Variants in PTPRM observed in about 807,000 individuals in gnomAD.
PTPRM encodes the protein receptor-type tyrosine-protein phosphatase mu.
A neutral mutation model predicts 186.7 loss-of-function variants in PTPRM; 47 were observed. The ratio of observed to expected loss-of-function variants is 0.25; its 90% confidence interval spans 0.20 to 0.32. The LOEUF is 0.32. Among genes scored for constraint, PTPRM ranks in the 10% least tolerant of loss-of-function variants. The pLI is 1.00. For synonymous variants in PTPRM, 668 were observed against 674.9 expected, an observed-to-expected ratio of 0.99 and a Z score of 0.16; for missense variants, 1,494 against 1,865.0, an observed-to-expected ratio of 0.80 and a Z score of 3.66.
rs772468192 is a variant in PTPRM at position 8,319,192 on chromosome 18, C to T, written c.2934C>T (p.Pro978=). 1.3e-6 allele frequency: 2 copies of T among 1,557,714 alleles called. No individual in the cohort carries two copies. The highest frequency in any genetic ancestry group is 1.8e-6 in the Non-Finnish European group (2 of 1,133,594). ...TTTATTTTTAGGGTTATCATCGACCCAATCATTACATTGCTACCCAAGGTA... is the reference window on the plus strand; with the variant it reads ...TTTATTTTTAGGGTTATCATCGACCTAATCATTACATTGCTACCCAAGGTA... ...NGNYIDGYHR[P]NHYIATQGPM... The change falls in exon 22 of 33, where the codon CCC becomes CCT. Residue 978 remains proline, a synonymous_variant. Coordinates refer to ENST00000580170, the MANE Select transcript of PTPRM (RefSeq NM_001105244.2).
chr18:7,864,676 G>T (rs934152344), intron 2 of PTPRM, among the ~76,000 whole-genome samples: 5 of 152,146 alleles, frequency 3.3e-5, no homozygotes, highest in Non-Finnish European at 7.3e-5. Flanking sequence ...GCTTGGATAT[G>T]CAGGCTCTTT....
chr18:7,725,568 A>AT (rs1168118632), intron 1 of PTPRM, among the ~76,000 whole-genome samples: 1 of 151,946 alleles, frequency 6.6e-6, no homozygotes, highest in African/African-American at 2.4e-5. Flanking sequence ...TCCTGTGCCT[A>AT]TAAAAACCCC....
chr18:8,260,779 C>T (rs1195861193), intron 19 of PTPRM, among the ~76,000 whole-genome samples: 3 of 152,208 alleles, frequency 2.0e-5, no homozygotes, highest in African/African-American at 7.2e-5. Flanking sequence ...ATGGGAAAGG[C>T]CTTGAACTGG....
At chr18:7,806,698 C>T (rs893282897) in intron 2 of PTPRM, among the ~76,000 whole-genome samples, 1 of 152,166 alleles carries the variant, frequency 6.6e-6, no homozygotes, top group African/African-American at 2.4e-5. Context: ...TAAGGACATT[C>T]TTCATTTATT....
intron 5 of PTPRM, among the ~76,000 whole-genome samples, chr18:7,930,476 A>G (rs1385555935): frequency 1.3e-5 from 2 of 152,178 alleles, no homozygotes; most frequent in African/African-American, 2.4e-5. Context: ...TCTGTTTTGT[A>G]GGAGAGGAGT....
intron 7 of PTPRM, among the ~76,000 whole-genome samples, chr18:7,960,524 G>A (rs2053609994): frequency 6.7e-6 from 1 of 149,856 alleles, no homozygotes; most frequent in South Asian, 2.1e-4. Flanking sequence ...GCCAAGGCAG[G>A]AGGACTGCTT....
intron 1 of PTPRM, among the ~76,000 whole-genome samples, chr18:7,636,390 A>C (rs1161498168): frequency 6.6e-6 from 1 of 152,226 alleles, no homozygotes; most frequent in African/African-American, 2.4e-5. Context: ...CTATGAGTGC[A>C]TAGGTAATGT....
intron 7 of PTPRM, among the ~76,000 whole-genome samples, chr18:7,993,118 T>A (rs2083348765): frequency 6.6e-6 from 1 of 151,484 alleles, no homozygotes. Flanking sequence ...GTGGATTAGG[T>A]CAAGCAGAAG....
intron 1 of PTPRM, among the ~76,000 whole-genome samples, chr18:7,574,461 T>A (rs766106712): frequency 6.6e-6 from 1 of 152,260 alleles, no homozygotes; most frequent in Non-Finnish European, 1.5e-5. Context: ...TTATTAATAA[T>A]TCTTATTGAA....
At chr18:7,694,650 C>T (rs1346189823) in intron 1 of PTPRM, among the ~76,000 whole-genome samples, 3 of 151,596 alleles carry the variant, frequency 2.0e-5, no homozygotes, top group Admixed American at 6.6e-5. Context: ...TGGTCTTGAA[C>T]CCCTGACCTT....
At chr18:7,884,943 AAAAAAAAAG>A (rs1421763737) in intron 2 of PTPRM, among the ~76,000 whole-genome samples, 21 of 150,504 alleles carry the variant, frequency 1.4e-4, no homozygotes, top group South Asian at 2.1e-4. Flanking sequence ...AAAAAAAAAA[AAAAAAAAAG>A]GAGAGAGAGA....
intron 24 of PTPRM, among the ~76,000 whole-genome samples, chr18:8,372,229 G>A (rs923729830): frequency 2.7e-5 from 4 of 146,180 alleles, no homozygotes; most frequent in Non-Finnish European, 4.5e-5. Context: ...CCGCCACCGC[G>A]CCCGGCTAAT....
At chr18:7,789,768 G>C (rs188000619) in intron 2 of PTPRM, among the ~76,000 whole-genome samples, 1 of 152,284 alleles carries the variant, frequency 6.6e-6, no homozygotes, top group East Asian at 1.9e-4. Context: ...TTCGCTGAGA[G>C]ACCGCTTATC....
intron 2 of PTPRM, among the ~76,000 whole-genome samples, chr18:7,842,930 G>GTGTGTGTGTGTGTATATATA (rs377182615): frequency 9.9e-6 from 1 of 100,934 alleles, no homozygotes; most frequent in African/African-American, 4.9e-5. Context: ...GTGTGTGTGT[G>GTGTGTGTGTGTGTATATATA]TATATATATA....
At chr18:8,077,824 A>G (rs1001212629) in intron 9 of PTPRM, among the ~76,000 whole-genome samples, 6 of 152,230 alleles carry the variant, frequency 3.9e-5, no homozygotes, top group African/African-American at 1.4e-4. Flanking sequence ...ATCTAGACAG[A>G]CAGAAAATAT....
chr18:7,665,427 T>C (rs2039073992), intron 1 of PTPRM, among the ~76,000 whole-genome samples: 1 of 152,208 alleles, frequency 6.6e-6, no homozygotes, highest in African/African-American at 2.4e-5. Flanking sequence ...ATATGCATTT[T>C]ACTTATTACC....
chr18:8,252,436 CCT>C (rs1169999635), intron 17 of PTPRM, 50 bp from the exon 18 acceptor site: 8 of 1,434,780 alleles, frequency 5.6e-6, no homozygotes, highest in Non-Finnish European at 6.9e-6. Context: ...TTGCTTATGC[CCT>C]GTTTCCTTTT....
chr18:8,312,137 G>A (rs1437005445), intron 20 of PTPRM, among the ~76,000 whole-genome samples: 1 of 152,224 alleles, frequency 6.6e-6, no homozygotes, highest in African/African-American at 2.4e-5. Context: ...GTGTGGAGTA[G>A]CCGTGATTCA....
intron 14 of PTPRM, among the ~76,000 whole-genome samples, chr18:8,196,104 T>A (rs537517557): frequency 6.6e-6 from 1 of 152,334 alleles, no homozygotes; most frequent in East Asian, 1.9e-4. Context: ...TTCTATCCAA[T>A]GAGCCATCCC....
Sources: gnomAD v4.1 joint callset for allele counts (sites outside exome capture counted in the v4.1 genomes callset) on GRCh38, gnomAD v4.1.1 for gene constraint, MANE v1.5 for transcripts, NCBI Gene and HGNC (gene_info 2026-07-23, HGNC 2026-07-21) for gene names.